EPB41L4B: variants seen among roughly 807,000 people sequenced by gnomAD.
EPB41L4B encodes the protein band 4.1-like protein 4B.
EPB41L4B carries 30 observed loss-of-function variants against 112.5 expected under a neutral mutation model. The ratio of observed to expected loss-of-function variants is 0.27; its 90% CI spans 0.20 to 0.36. The LOEUF (loss-of-function observed/expected upper bound fraction) is 0.36, where lower values mean the gene tolerates loss of function less well. Ranked by LOEUF, EPB41L4B falls within the 10% of genes least tolerant of loss-of-function variation. The pLI, the probability that EPB41L4B is intolerant of heterozygous loss-of-function variation, is 1.00. For synonymous variants in EPB41L4B, 408 were observed against 439.7 expected, an observed-to-expected ratio of 0.93 and a Z score of 0.90; for missense variants, 1,024 against 1,133.3, an observed-to-expected ratio of 0.90 and a Z score of 1.38.
intron 5 of EPB41L4B, among the ~76,000 whole-genome samples, 191 bp from the exon 6 acceptor site, chr9:109,263,293 AT>A (rs1835284031): frequency 6.6e-6 from 1 of 152,238 alleles, no homozygotes. Context: ...GTCAATTCTC[AT>A]CATAGGGCAA....
intron 15 of EPB41L4B, among the ~76,000 whole-genome samples, chr9:109,237,021 G>T (rs1834169802): frequency 1.3e-5 from 2 of 152,186 alleles, no homozygotes; most frequent in South Asian, 4.1e-4. Context: ...GTTCTTTAAT[G>T]AGCTCAGATT....
At chr9:109,264,096 C>T (rs1478680651) in intron 5 of EPB41L4B, among the ~76,000 whole-genome samples, 1 of 152,010 alleles carries the variant, frequency 6.6e-6, no homozygotes, top group African/African-American at 2.4e-5. Flanking sequence ...ACTCATAATA[C>T]ACACACCAAC....
intron 2 of EPB41L4B, 47 bp from the exon 3 acceptor site, chr9:109,268,480 G>C (rs779590426): frequency 1.0e-5 from 16 of 1,553,484 alleles, no homozygotes; most frequent in Non-Finnish European, 1.4e-5. Context: ...CATCAGCAAG[G>C]TTATTCAGCC....
At chr9:109,314,054 C>A (rs1837530747) in intron 1 of EPB41L4B, among the ~76,000 whole-genome samples, 1 of 152,080 alleles carries the variant, frequency 6.6e-6, no homozygotes, top group Admixed American at 6.5e-5. Context: ...GAAAACACAC[C>A]CAGATGAATC....
intron 2 of EPB41L4B, among the ~76,000 whole-genome samples, chr9:109,269,024 A>AT (rs994500226): frequency 2.4e-4 from 36 of 152,068 alleles, no homozygotes; most frequent in Non-Finnish European, 3.8e-4. Flanking sequence ...TAACCAATTG[A>AT]TCAGCAGAAT....
chr9:109,303,114 A>G (rs1400419401), intron 1 of EPB41L4B, among the ~76,000 whole-genome samples: 4 of 151,726 alleles, frequency 2.6e-5, no homozygotes, highest in African/African-American at 9.7e-5. Context: ...AAAAGAAAAA[A>G]AGGGGTAAAA....
At chr9:109,206,577 A>C (rs1164014259) in intron 18 of EPB41L4B, among the ~76,000 whole-genome samples, 1 of 152,232 alleles carries the variant, frequency 6.6e-6, no homozygotes, top group Admixed American at 6.5e-5. Context: ...CTTCCACCTG[A>C]GTGCCAACTC....
intron 15 of EPB41L4B, among the ~76,000 whole-genome samples, chr9:109,242,643 A>G (rs1834392817): frequency 2.0e-5 from 3 of 152,150 alleles, no homozygotes. Flanking sequence ...TTCCCCAACA[A>G]ACTTTTTTTT....
chr9:109,194,106 T>C, intron 21 of EPB41L4B, 114 bp downstream of exon 21: 1 of 1,172,240 alleles, frequency 8.5e-7, no homozygotes, highest in Non-Finnish European at 1.2e-6. Flanking sequence ...GTTTTATGAG[T>C]ATACACAATT....
intron 1 of EPB41L4B, among the ~76,000 whole-genome samples, chr9:109,317,319 C>A (rs1194947674): frequency 6.6e-6 from 1 of 152,208 alleles, no homozygotes; most frequent in Non-Finnish European, 1.5e-5. Flanking sequence ...CCGATTCCCC[C>A]ATCCCATCCG....
intron 15 of EPB41L4B, among the ~76,000 whole-genome samples, chr9:109,219,399 C>T (rs1229212571): frequency 2.0e-5 from 3 of 152,156 alleles, no homozygotes; most frequent in Admixed American, 6.5e-5. Context: ...CTCGCTCTGT[C>T]GCCCAGGCTA....
At chr9:109,295,969 T>C (rs1836718024) in intron 1 of EPB41L4B, among the ~76,000 whole-genome samples, 3 of 152,232 alleles carry the variant, frequency 2.0e-5, no homozygotes, top group Non-Finnish European at 4.4e-5. Context: ...GATGGATGTC[T>C]CTGTGCCAGA....
At chr9:109,235,390 CT>C (rs758330838) in intron 15 of EPB41L4B, among the ~76,000 whole-genome samples, 16,824 of 86,626 alleles carry the variant, frequency 0.19, 962 homozygotes, top group Middle Eastern at 0.25. Flanking sequence ...TTCAGCTAGA[CT>C]TTTTTTTTTT....
At chr9:109,178,857 A>G in intron 24 of EPB41L4B, among the ~76,000 whole-genome samples, 1 of 140,992 alleles carries the variant, frequency 7.1e-6, no homozygotes, top group Admixed American at 7.7e-5. Context: ...GTGGCACCAA[A>G]CTGTACTAGT....
chr9:109,178,059 A>G (rs1415874810), intron 24 of EPB41L4B, among the ~76,000 whole-genome samples: 3 of 151,488 alleles, frequency 2.0e-5, no homozygotes, highest in Admixed American at 6.6e-5. Context: ...AGCTGTCACT[A>G]CAGGTGCGTG....
chr9:109,275,257 G>A (rs1172605554), intron 2 of EPB41L4B, among the ~76,000 whole-genome samples: 1 of 152,238 alleles, frequency 6.6e-6, no homozygotes, highest in East Asian at 1.9e-4. Context: ...GAGCCCTGCA[G>A]CTGCCAACCT....
intron 1 of EPB41L4B, among the ~76,000 whole-genome samples, chr9:109,298,458 C>CATGT (rs1192429637): frequency 6.6e-6 from 1 of 151,894 alleles, no homozygotes. Flanking sequence ...GGATTACAGG[C>CATGT]GCCTGCCACC....
At chr9:109,213,146 A>G (rs1833242351) in intron 17 of EPB41L4B, among the ~76,000 whole-genome samples, 1 of 152,234 alleles carries the variant, frequency 6.6e-6, no homozygotes, top group Non-Finnish European at 1.5e-5. Flanking sequence ...GGTCTGAGAC[A>G]TTGAGAAGGT....
chr9:109,243,640 G>A lies in EPB41L4B; in HGVS notation c.1387C>T (p.His463Tyr). Residue 463 changes from histidine (H) to tyrosine (Y), a missense_variant, in exon 15 of 26, where the codon CAT becomes TAT. Physicochemically the swap from His to Tyr is moderately conservative, Grantham distance 83 (BLOSUM62 2). Transcript: ENST00000374566. ...PNIHPSQPRW[H>Y]PHSPNVSYPL... is the part of the protein sequence containing the mutation. ...TACCTGACATTTGGAGAGTGAGGATGCCACCGGGGCTGGCTGGGATGGATA... is the reference window on the plus strand; with the variant it reads ...TACCTGACATTTGGAGAGTGAGGATACCACCGGGGCTGGCTGGGATGGATA... 1.9e-6 allele frequency: 3 copies of A among 1,614,216 alleles called. No homozygotes were observed. Among genetic ancestry groups the A allele is most frequent in the Non-Finnish European group, 2.5e-6 (3 of 1,180,026 alleles).
Sources: gnomAD v4.1 joint callset for allele counts (sites outside exome capture counted in the v4.1 genomes callset) on GRCh38, gnomAD v4.1.1 for gene constraint, MANE v1.5 for transcripts, NCBI Gene and HGNC (gene_info 2026-07-23, HGNC 2026-07-21) for gene names.